RTL4: variants seen among roughly 807,000 people sequenced by gnomAD.
The protein encoded by RTL4 is retrotransposon Gag-like protein 4.
In RTL4, 4 loss-of-function variants were observed where a neutral mutation model predicts 5.3. That is an observed-to-expected ratio of 0.75 (90% CI 0.37 to 1.72). RTL4 has a LOEUF of 1.72. RTL4 is among the 40% of genes most tolerant of loss of function. The pLI, the probability that RTL4 is intolerant of heterozygous loss-of-function variation, is 0.04. For missense variants in RTL4, 260 were observed against 227.1 expected, an observed-to-expected ratio of 1.14 and a Z score of -0.93; for synonymous variants, 98 against 87.3, an observed-to-expected ratio of 1.12 and a Z score of -0.68.
the RTL4 span, among the ~76,000 whole-genome samples, chrX:112,116,835 T>C: frequency 9.0e-6 from 1 of 111,514 alleles, no homozygotes; most frequent in East Asian, 2.8e-4. Flanking sequence ...CAGAAATCAC[T>C]GAGGGTATAT....
At chrX:112,406,426 G>C in the RTL4 span, among the ~76,000 whole-genome samples, 2 of 110,373 alleles carry the variant, frequency 1.8e-5, no homozygotes, top group East Asian at 5.7e-4. Flanking sequence ...GAGAGCGAGG[G>C]GAGAGGTGTC....
the RTL4 span, among the ~76,000 whole-genome samples, chrX:112,297,097 A>C: frequency 9.1e-6 from 1 of 110,142 alleles, no homozygotes; most frequent in Non-Finnish European, 1.9e-5. Flanking sequence ...CATCTGTCAT[A>C]ATGTTTTGGA....
the RTL4 span, among the ~76,000 whole-genome samples, chrX:112,386,028 A>G: frequency 8.9e-6 from 1 of 112,234 alleles, no homozygotes; most frequent in African/African-American, 3.2e-5. Context: ...GTTTTAAAGG[A>G]ATTAATGTCT....
chrX:112,440,094 G>A, the RTL4 span, among the ~76,000 whole-genome samples: 1 of 111,606 alleles, frequency 9.0e-6, no homozygotes, highest in Non-Finnish European at 1.9e-5. Context: ...TTGCTACTAC[G>A]GGTGACAAAT....
the RTL4 span, among the ~76,000 whole-genome samples, chrX:112,395,970 A>G: frequency 1.8e-5 from 2 of 110,832 alleles, no homozygotes; most frequent in African/African-American, 6.6e-5. Context: ...GATTTTCCAG[A>G]TTGTTATGGT....
chrX:112,402,669 A>G, the RTL4 span, among the ~76,000 whole-genome samples: 1 of 110,978 alleles, frequency 9.0e-6, no homozygotes, highest in African/African-American at 3.3e-5. Context: ...TTCTTGGGAA[A>G]TCTGTAAGTG....
At chrX:112,232,776 T>A in the RTL4 span, among the ~76,000 whole-genome samples, 1 of 111,706 alleles carries the variant, frequency 9.0e-6, no homozygotes, top group African/African-American at 3.3e-5. Flanking sequence ...TTAGCTATGA[T>A]TTGTCTTACC....
the RTL4 span, among the ~76,000 whole-genome samples, chrX:112,236,458 G>T: frequency 7.8e-5 from 6 of 77,153 alleles, no homozygotes; most frequent in African/African-American, 2.2e-4. Context: ...TATAGATATA[G>T]ATCTATATCT....
chrX:112,091,901 C>T, the RTL4 span, among the ~76,000 whole-genome samples: 1 of 110,937 alleles, frequency 9.0e-6, no homozygotes, highest in African/African-American at 3.3e-5. Flanking sequence ...TTTGGGTTTT[C>T]TGTTGTTTGG....
chrX:112,456,506 C>A, exon 1 of RTL4: 1 of 303,061 alleles, frequency 3.3e-6, no homozygotes, highest in South Asian at 2.1e-4. Flanking sequence ...AGTCAATATG[C>A]TCTAGGATAA....
At chrX:112,358,523 G>C in the RTL4 span, among the ~76,000 whole-genome samples, 11 of 111,544 alleles carry the variant, frequency 9.9e-5, no homozygotes, top group Non-Finnish European at 2.1e-4. Flanking sequence ...ATATGGAGGG[G>C]CACATATAAC....
the RTL4 span, among the ~76,000 whole-genome samples, chrX:112,366,723 T>C: frequency 8.5e-4 from 95 of 112,220 alleles, no homozygotes; most frequent in African/African-American, 2.9e-3. Flanking sequence ...ACATCAAATA[T>C]GTTTGTGTTT....
At chrX:112,434,492 T>C in the RTL4 span, among the ~76,000 whole-genome samples, 1 of 111,954 alleles carries the variant, frequency 8.9e-6, no homozygotes, top group Non-Finnish European at 1.9e-5. Flanking sequence ...ATTTATCCAT[T>C]TCGTCTAGAT....
At chrX:112,349,096 G>A in the RTL4 span, among the ~76,000 whole-genome samples, 2 of 110,652 alleles carry the variant, frequency 1.8e-5, no homozygotes, top group Non-Finnish European at 3.8e-5. Flanking sequence ...AATGTATGAA[G>A]TCTGCTCAAG....
At chrX:112,322,543 T>A in the RTL4 span, among the ~76,000 whole-genome samples, 1 of 111,592 alleles carries the variant, frequency 9.0e-6, no homozygotes. Flanking sequence ...ATATTCATTT[T>A]AAATGTCATG....
At chrX:112,189,058 T>C in the RTL4 span, among the ~76,000 whole-genome samples, 1 of 111,034 alleles carries the variant, frequency 9.0e-6, no homozygotes, top group African/African-American at 3.3e-5. Context: ...GAGTCAATCA[T>C]AATTTTGAAA....
chrX:112,272,739 T>C, the RTL4 span, among the ~76,000 whole-genome samples: 10 of 111,710 alleles, frequency 9.0e-5, no homozygotes, highest in Admixed American at 9.5e-4. Flanking sequence ...TATTAAGATT[T>C]ATACTTTTTT....
chrX:112,107,485 T>C, the RTL4 span, among the ~76,000 whole-genome samples: 14 of 112,317 alleles, frequency 1.2e-4, no homozygotes, highest in African/African-American at 4.5e-4. Flanking sequence ...TAGCATTTCT[T>C]ATAAAACAAA....
At chrX:112,300,724 T>G in the RTL4 span, among the ~76,000 whole-genome samples, 1 of 112,525 alleles carries the variant, frequency 8.9e-6, no homozygotes, top group East Asian at 2.8e-4. Flanking sequence ...CAAGATTAAT[T>G]TTTTAAAAAA....
Sources: allele counts gnomAD v4.1 joint callset (sites outside exome capture counted in the v4.1 genomes callset), GRCh38; gene constraint gnomAD v4.1.1; transcripts MANE v1.5; gene names NCBI Gene and HGNC (gene_info 2026-07-23, HGNC 2026-07-21).